The following FBXO31 variants were observed in gnomAD, a reference collection of about 807,000 sequenced individuals.
FBXO31 encodes F-box only protein 31.
FBXO31 carries 24 observed loss-of-function variants against 54.4 expected under a neutral mutation model. The observed-to-expected ratio is 0.44, with a 90% confidence interval of 0.32 to 0.62. The LOEUF (loss-of-function observed/expected upper bound fraction) is 0.62, where lower values mean the gene tolerates loss of function less well. FBXO31 is among the 20% of genes least tolerant of loss of function. FBXO31 has a pLI of 0.05. For missense variants in FBXO31, 665 were observed against 787.1 expected (o/e 0.84, Z 1.86); for synonymous variants, 388 against 335.6 (o/e 1.16, Z -1.71).
chr16:87,333,400 C>T (rs1904930973), intron 8 of FBXO31, among the ~76,000 whole-genome samples: 2 of 152,290 alleles, frequency 1.3e-5, no homozygotes, highest in Non-Finnish European at 1.5e-5. Flanking sequence ...ATCTGAACCA[C>T]GCACCGGGAG....
In FBXO31 at chr16:87,336,929, A is replaced by C. The variant is rs931275689; in HGVS notation, c.733-665T>G. On this transcript the variant is annotated intron_variant, in intron 5 of 8. Coordinates refer to ENST00000311635, the MANE Select transcript of FBXO31 (RefSeq NM_024735.5). The surrounding 1 kb of genome is among the most constrained non-coding windows in gnomAD (Gnocchi z 6.5). ...TTTACAGAATTCACCCAAACTTCCA[A>C]GTTCCCAGCTCAATACAGTGTTTCC... Among the ~76,000 whole-genome samples, 5 of 152,194 alleles carry C rather than the reference A, an allele frequency of 3.3e-5. No homozygotes were observed. The highest frequency in any genetic ancestry group is 1.2e-4 in the African/African-American group (5 of 41,456).
rs572610995 is a variant in FBXO31 at position 87,353,641 on chromosome 16, G to A, written c.413-6391C>T. Among the ~76,000 whole-genome samples, 43 of 151,722 alleles carry A rather than the reference G, an allele frequency of 2.8e-4. 1 individual carries two copies. Among genetic ancestry groups the A allele is most frequent in the South Asian group, 1.2e-3 (6 of 4,822 alleles). On this transcript the variant is annotated intron_variant, in intron 2 of 8. Coordinates refer to ENST00000311635, the MANE Select transcript of FBXO31 (RefSeq NM_024735.5). ...GAGCCTTCGGAGGCAGCAGGGCCCCGGACACCGTGTCTTGAACCTGTGGCC... is the reference window on the plus strand; with the variant it reads ...GAGCCTTCGGAGGCAGCAGGGCCCCAGACACCGTGTCTTGAACCTGTGGCC...
At position 87,342,975 on chromosome 16, in the gene FBXO31, AAG is replaced by A. The variant is rs778695511; in HGVS notation, c.658-26_658-25del. 32 of 1,587,626 alleles carry A rather than the reference AAG, an allele frequency of 2.0e-5. No individual in the cohort carries two copies. The African/African-American group carries it at 4.3e-4, about 21-fold the overall frequency. ...ATCTTCAGTGTTTGCAACACAAGGA[AAG>A]AGAAGAGTGAGGAACAGAGTCCATC... On this transcript the variant is annotated intron_variant, in intron 4 of 8. Coordinates refer to ENST00000311635, the MANE Select transcript of FBXO31 (RefSeq NM_024735.5).
Position 87,338,352 on chromosome 16 carries a change from G to A in FBXO31, c.733-2088C>T, listed in dbSNP as rs979718573. Among the ~76,000 whole-genome samples the A allele has an allele frequency of 2.0e-5, 3 of 152,186 alleles. No individual in the cohort carries two copies. Among genetic ancestry groups the A allele is most frequent in the African/African-American group, 4.8e-5 (2 of 41,460 alleles). On this transcript the variant is annotated intron_variant, in intron 5 of 8. Transcript: ENST00000311635. This position sits in a 1 kb window ranked among gnomAD's most constrained non-coding sequence, Gnocchi z 4.3. The stretch of plus-strand genomic sequence containing the variant: ...CGACCCTCGTGGCAGCGCCGGCAGA[G>A]GGGGCTGAGGGTGACAAGGATGCCT...
At position 87,336,767 on chromosome 16, in the gene FBXO31, G is replaced by A. The variant is rs1332697237; in HGVS notation, c.733-503C>T. ...CTGAGCCCTCGGCCAGTGACTGGGT[G>A]GATTTTCCTTTTTCAAAGGAAAAGC... On this transcript the variant is annotated intron_variant, in intron 5 of 8. Coordinates refer to ENST00000311635, the MANE Select transcript of FBXO31 (RefSeq NM_024735.5). The surrounding 1 kb of genome is among the most constrained non-coding windows in gnomAD (Gnocchi z 6.5). Among the ~76,000 whole-genome samples the A allele has an allele frequency of 6.6e-6, 1 of 152,136 alleles. No individual in the cohort carries two copies. Among genetic ancestry groups the A allele is most frequent in the East Asian group, 1.9e-4 (1 of 5,194 alleles).
chr16:87,385,235 G>T (rs1248808143), upstream of FBXO31, among the ~76,000 whole-genome samples: 7 of 152,216 alleles, frequency 4.6e-5, no homozygotes, highest in African/African-American at 1.2e-4. Context: ...GAGGCGGGCA[G>T]ATCATGAGGT....
At chr16:87,368,742 C>A (rs909069838) in intron 1 of FBXO31, among the ~76,000 whole-genome samples, 1 of 151,156 alleles carries the variant, frequency 6.6e-6, no homozygotes, top group South Asian at 2.1e-4. Context: ...TTGGCAAAAT[C>A]TACTGAAGCA....
chr16:87,383,513 TCTC>T lies in FBXO31; in HGVS notation c.229_231del (p.Glu77del). 1 of 1,585,112 alleles carries T rather than the reference TCTC, an allele frequency of 6.3e-7. No homozygotes were observed. The highest frequency in any genetic ancestry group is 8.5e-7 in the Non-Finnish European group (1 of 1,169,814). On this transcript the variant is annotated inframe_deletion, in exon 1 of 9. Transcript: ENST00000311635. The surrounding 1 kb of genome is among the most constrained non-coding windows in gnomAD (Gnocchi z 4.9). ...TCCGTGCCCGGCAGCGACGCGAAGA[TCTC>T]CACCAGCAGCTCGGGCGGCAGCTCC...
At chr16:87,359,340 G>C (rs749093408) in intron 2 of FBXO31, among the ~76,000 whole-genome samples, 5 of 152,098 alleles carry the variant, frequency 3.3e-5, no homozygotes, top group Non-Finnish European at 7.3e-5. Context: ...TCTCCCACAG[G>C]ACAGGAGGAC....
chr16:87,371,929 T>TA (rs1906620560), intron 1 of FBXO31, among the ~76,000 whole-genome samples: 1 of 152,034 alleles, frequency 6.6e-6, no homozygotes, highest in African/African-American at 2.4e-5. Flanking sequence ...AAAATAGTCT[T>TA]AAAAAATGTT....
upstream of FBXO31, among the ~76,000 whole-genome samples, chr16:87,388,005 C>T (rs1214487860): frequency 1.3e-5 from 2 of 152,196 alleles, no homozygotes; most frequent in Non-Finnish European, 2.9e-5. Flanking sequence ...CACAGTTGCA[C>T]ACGTTAACAG....
At chr16:87,361,050 T>C (rs911974031) in intron 1 of FBXO31, among the ~76,000 whole-genome samples, 3 of 152,042 alleles carry the variant, frequency 2.0e-5, no homozygotes, top group African/African-American at 7.3e-5. Context: ...AAATCCCAGG[T>C]CCTCCGGCTT....
intron 1 of FBXO31, among the ~76,000 whole-genome samples, chr16:87,363,113 G>A (rs960747031): frequency 9.9e-5 from 15 of 152,150 alleles, no homozygotes; most frequent in Non-Finnish European, 1.8e-4. Context: ...AGCCGGGCGC[G>A]GTGGCTCATG....
rs1237339971 is a variant in FBXO31, at chr16:87,336,831, A to G, written c.733-567T>C. 6.6e-6 allele frequency among the ~76,000 whole-genome samples: 1 copy of G among 152,138 alleles called. No individual in the cohort carries two copies. Among genetic ancestry groups the G allele is most frequent in the Non-Finnish European group, 1.5e-5 (1 of 67,998 alleles). On this transcript the variant is annotated intron_variant, in intron 5 of 8. Coordinates refer to ENST00000311635, the MANE Select transcript of FBXO31 (RefSeq NM_024735.5). This position sits in a 1 kb window ranked among gnomAD's most constrained non-coding sequence, Gnocchi z 6.5. ...CGGTTCCCAAAAACTCCGCAGCCCCACCAGTCCGCCCTGCATTCTGCCATC... is the reference window on the plus strand; with the variant it reads ...CGGTTCCCAAAAACTCCGCAGCCCCGCCAGTCCGCCCTGCATTCTGCCATC...
At chr16:87,337,859 CTGAG>C (rs1236030892) in intron 5 of FBXO31, among the ~76,000 whole-genome samples, 2 of 151,606 alleles carry the variant, frequency 1.3e-5, no homozygotes, top group Admixed American at 1.3e-4. Context: ...TCTTTGCAAA[CTGAG>C]TATTTTAGGA....
In FBXO31 at chr16:87,331,012, G is replaced by A. The variant is rs144949529; in HGVS notation, c.*276C>T. ...AACCCCACCGCTTCAATTCTCACGC[G>A]GTCCCACGGCTGTCCCCTACATCTG... On this transcript the variant is annotated 3_prime_UTR_variant, in exon 9 of 9. Transcript: ENST00000311635. The A allele has an allele frequency of 2.2e-3, 816 of 374,124 alleles. 3 individuals are homozygous for A. Among genetic ancestry groups the A allele is most frequent in the African/African-American group, 0.014 (698 of 48,496 alleles). 23.2% of individuals were successfully genotyped at this position (374,124 alleles called of 1,614,324 possible).
chr16:87,348,908 C>T (rs972560665), intron 2 of FBXO31, among the ~76,000 whole-genome samples: 2 of 152,204 alleles, frequency 1.3e-5, no homozygotes, highest in African/African-American at 4.8e-5. Context: ...TGAGGGAGTA[C>T]ACCGGAATCC....
Position 87,383,593 on chromosome 16 carries a change from C to G in FBXO31, c.152G>C (p.Gly51Ala). 1 of 1,478,228 alleles carries G rather than the reference C, an allele frequency of 6.8e-7. No individual in the cohort carries two copies. Among genetic ancestry groups the G allele is most frequent in the Non-Finnish European group, 8.9e-7 (1 of 1,119,894 alleles). 91.6% of individuals were successfully genotyped at this position (1,478,228 alleles called of 1,614,324 possible). ...EERIEASAGV[G>A]GGLCAGPSPP... ...CGAGGGGCCCGCGCACAAGCCGCCC[C>G]CGACCCCGGCGCTAGCCTCGATGCG... Residue 51 changes from glycine (G) to alanine (A), a missense_variant, in exon 1 of 9, where the codon GGG becomes GCG. Physicochemically the swap from Gly to Ala is moderately conservative, Grantham distance 60. Around this residue, in one of 4 missense-constraint regions of FBXO31, gnomAD observed 195 missense variants for 174.8 expected, o/e 1.12. Transcript: ENST00000311635. This position sits in a 1 kb window ranked among gnomAD's most constrained non-coding sequence, Gnocchi z 4.9.
Position 87,333,914 on chromosome 16 carries a change from C to G in FBXO31, c.1369G>C (p.Glu457Gln). 6.2e-7 allele frequency: 1 copy of G among 1,609,262 alleles called. No homozygotes were observed. ...ATCCTGCAGGTTCGGGGGTAGTCCTCATTCCTGGAGCTCACGCCCACGGGC... is the reference window on the plus strand; with the variant it reads ...ATCCTGCAGGTTCGGGGGTAGTCCTGATTCCTGGAGCTCACGCCCACGGGC... Reference protein sequence around the residue: ...VLPVGVSSRNEDYPRTCRMCF... With the variant: ...VLPVGVSSRNQDYPRTCRMCF... Residue 457 changes from glutamate to glutamine, a missense_variant, in exon 8 of 9, where the codon GAG (glutamate) becomes CAG (glutamine). Glu to Gln is a conservative substitution (Grantham distance 29, BLOSUM62 2). This residue lies in a region of FBXO31 where 165 missense variants were observed against 159.7 expected (regional missense o/e 1.03). Transcript: ENST00000311635.
Sources: gnomAD v4.1 joint callset for allele counts (sites outside exome capture counted in the v4.1 genomes callset) on GRCh38, gnomAD v4.1.1 for gene constraint, gnomAD v4.1.1 regional missense constraint, Gnocchi (gnomAD v3.1) non-coding constraint, MANE v1.5 for transcripts, NCBI Gene and HGNC (gene_info 2026-07-23, HGNC 2026-07-21) for gene names.